Variants in PXDNL observed in about 807,000 individuals in gnomAD.
PXDNL encodes probable oxidoreductase PXDNL.
Under a neutral mutation model 150.8 loss-of-function variants are expected in PXDNL, and 145 were observed. The observed-to-expected ratio is 0.96, with a 90% confidence interval of 0.84 to 1.10. The LOEUF (loss-of-function observed/expected upper bound fraction) is 1.10. PXDNL is among the 50% of genes least tolerant of loss of function. The pLI, the probability that PXDNL is intolerant of heterozygous loss-of-function variation, is 0.00. For missense variants in PXDNL, 2,087 were observed against 1,873.9 expected, an observed-to-expected ratio of 1.11 and a Z score of -2.10; for synonymous variants, 757 against 725.7, an observed-to-expected ratio of 1.04 and a Z score of -0.69.
chr8:51,748,224 C>G (rs1305221417), intron 1 of PXDNL, among the ~76,000 whole-genome samples: 1 of 152,192 alleles, frequency 6.6e-6, no homozygotes, highest in African/African-American at 2.4e-5. Context: ...CAGTTTGCAT[C>G]AGTAATTGAT....
At chr8:51,380,642 A>T (rs1407852007) in intron 17 of PXDNL, among the ~76,000 whole-genome samples, 4 of 152,026 alleles carry the variant, frequency 2.6e-5, no homozygotes, top group Non-Finnish European at 4.4e-5. Context: ...ATCCTTTCTG[A>T]TCTTTATCTT....
chr8:51,611,531 A>T (rs1053081906), intron 2 of PXDNL, among the ~76,000 whole-genome samples: 13 of 152,256 alleles, frequency 8.5e-5, no homozygotes, highest in African/African-American at 3.1e-4. Flanking sequence ...GCCTTCAACA[A>T]TCTCAAAAAT....
chr8:51,415,961 A>G (rs560413532), intron 14 of PXDNL, among the ~76,000 whole-genome samples: 2 of 152,352 alleles, frequency 1.3e-5, no homozygotes, highest in East Asian at 3.9e-4. Context: ...AAAAAAAGTC[A>G]GTAGGAATGA....
At chr8:51,358,671 G>A (rs1254699900) in intron 19 of PXDNL, among the ~76,000 whole-genome samples, 5 of 152,108 alleles carry the variant, frequency 3.3e-5, no homozygotes, top group Non-Finnish European at 5.9e-5. Flanking sequence ...GACGCTCATT[G>A]CAGCACGCGG....
At chr8:51,360,220 C>T (rs1160079443) in intron 19 of PXDNL, among the ~76,000 whole-genome samples, 3 of 152,246 alleles carry the variant, frequency 2.0e-5, no homozygotes, top group Admixed American at 1.3e-4. Flanking sequence ...CATACCCATA[C>T]ATGTATACAA....
At chr8:51,605,429 AAAAG>A (rs1331849051) in intron 2 of PXDNL, among the ~76,000 whole-genome samples, 12 of 152,014 alleles carry the variant, frequency 7.9e-5, no homozygotes, top group Admixed American at 4.6e-4. Flanking sequence ...TTAAAAGAAA[AAAAG>A]AAAGAATCTG....
intron 1 of PXDNL, among the ~76,000 whole-genome samples, chr8:51,757,003 A>G (rs34152859): frequency 0.061 from 9,240 of 152,254 alleles, 377 homozygotes; most frequent in Non-Finnish European, 0.087. Context: ...TCTTTTTGTC[A>G]AATAGTACTA....
At chr8:51,495,898 G>A (rs1003830033) in intron 5 of PXDNL, among the ~76,000 whole-genome samples, 1 of 152,098 alleles carries the variant, frequency 6.6e-6, no homozygotes, top group African/African-American at 2.4e-5. Flanking sequence ...CCAATCAACA[G>A]AAAAAGAGGG....
rs909313432 is a variant in PXDNL at position 51,323,948 on chromosome 8, T to TA, written c.4147-3052dup. ...AATAAAATAAAATAAAATAAAAAAA[T>TA]AAAAAAAAAAAGAATCTTGTACGGG... On this transcript the variant is annotated intron_variant, in intron 21 of 22. Transcript: ENST00000356297. Among the ~76,000 whole-genome samples the TA allele has an allele frequency of 2.6e-3, 315 of 122,464 alleles. 1 individual carries two copies. Among genetic ancestry groups the TA allele is most frequent in the African/African-American group, 0.01 (270 of 25,956 alleles). The allele number at this position is 122,464 out of a possible 152,430, so 80.3% of individuals were successfully genotyped here.
At chr8:51,665,637 T>C (rs765186627) in intron 1 of PXDNL, among the ~76,000 whole-genome samples, 19 of 152,216 alleles carry the variant, frequency 1.2e-4, no homozygotes, top group Non-Finnish European at 2.2e-4. Flanking sequence ...TGCTAGTGAA[T>C]GAATCACTTA....
intron 12 of PXDNL, among the ~76,000 whole-genome samples, chr8:51,429,495 T>A (rs1243465637): frequency 6.6e-6 from 1 of 151,954 alleles, no homozygotes; most frequent in Admixed American, 6.6e-5. Flanking sequence ...GCAGGAGAAT[T>A]GCTTGAACTG....
intron 1 of PXDNL, among the ~76,000 whole-genome samples, chr8:51,791,396 C>T (rs751745488): frequency 6.6e-6 from 1 of 152,226 alleles, no homozygotes; most frequent in Non-Finnish European, 1.5e-5. Flanking sequence ...CCAAACTACA[C>T]AGAGGTGACC....
intron 16 of PXDNL, 118 bp from the exon 17 acceptor site, chr8:51,409,679 CCTTT>C (rs1563399608): frequency 5.8e-6 from 4 of 688,642 alleles, no homozygotes; most frequent in Non-Finnish European, 8.7e-6. Context: ...TGAAAAGAGG[CCTTT>C]CTTACTTCCA....
intron 1 of PXDNL, among the ~76,000 whole-genome samples, chr8:51,712,093 A>C (rs1160245356): frequency 6.6e-6 from 1 of 152,214 alleles, no homozygotes; most frequent in African/African-American, 2.4e-5. Flanking sequence ...AGGAACTAGG[A>C]GAGAGACAAG....
chr8:51,483,426 C>T (rs765225833), intron 6 of PXDNL, among the ~76,000 whole-genome samples: 4 of 152,194 alleles, frequency 2.6e-5, no homozygotes, highest in Admixed American at 6.5e-5. Context: ...TTTCAATACT[C>T]CTTTTGAATG....
intron 3 of PXDNL, among the ~76,000 whole-genome samples, chr8:51,587,006 C>T (rs1354614131): frequency 6.6e-6 from 1 of 152,062 alleles, no homozygotes; most frequent in East Asian, 1.9e-4. Context: ...TTTTTTGCCC[C>T]ATGGGTAATT....
At chr8:51,599,534 A>G (rs1318362226) in intron 2 of PXDNL, among the ~76,000 whole-genome samples, 1 of 150,572 alleles carries the variant, frequency 6.6e-6, no homozygotes, top group Non-Finnish European at 1.5e-5. Flanking sequence ...TGAGAAATGA[A>G]ATTGATATAT....
At chr8:51,416,546 G>A (rs1808805536) in intron 14 of PXDNL, among the ~76,000 whole-genome samples, 1 of 152,232 alleles carries the variant, frequency 6.6e-6, no homozygotes, top group Non-Finnish European at 1.5e-5. Context: ...TTATCAGATA[G>A]CAAAGATACG....
rs11992240 is a variant in PXDNL at position 51,409,283 on chromosome 8, G to C, written c.2341C>G (p.Arg781Gly). 132,577 of 1,424,962 alleles carry C rather than the reference G, an allele frequency of 0.093. 7,252 individuals are homozygous for C. Among genetic ancestry groups the C allele is most frequent in the East Asian group, 0.28 (9,841 of 35,576 alleles). The allele number at this position is 1,424,962 out of a possible 1,614,324, so 88.3% of individuals were successfully genotyped here. Residue 781 changes from arginine to glycine, a missense_variant, in exon 17 of 23, where the codon CGG (arginine) becomes GGG (glycine). Coordinates refer to ENST00000356297, the MANE Select transcript of PXDNL (RefSeq NM_144651.5). ...VGSRQPLPPP[R>G]LVATVWARAA... ...CGCGCCCACACTGTGGCGACCAGCC[G>C]GGGCGGCGGGAGGGGCTGGCGGGAG...
Sources: allele counts gnomAD v4.1 joint callset (sites outside exome capture counted in the v4.1 genomes callset), GRCh38; gene constraint gnomAD v4.1.1; transcripts MANE v1.5; gene names NCBI Gene and HGNC (gene_info 2026-07-23, HGNC 2026-07-21).